Variants in ZNF106 observed in about 807,000 individuals in gnomAD.
ZNF106 encodes the protein zinc finger protein 106.
A neutral mutation model predicts 195.1 loss-of-function variants in ZNF106; 67 were observed. That is an observed-to-expected ratio of 0.34 (90% CI 0.28 to 0.42). The LOEUF is 0.42. ZNF106 is among the 10% of genes least tolerant of loss of function. ZNF106 has a pLI of 1.00. For synonymous variants in ZNF106, 784 were observed against 818.6 expected, an observed-to-expected ratio of 0.96 and a Z score of 0.72; for missense variants, 2,118 against 2,304.5, an observed-to-expected ratio of 0.92 and a Z score of 1.66.
chr15:42,457,269 A>T, intron 3 of ZNF106, 111 bp from the exon 4 acceptor site: 1 of 1,548,350 alleles, frequency 6.5e-7, no homozygotes, highest in Non-Finnish European at 8.7e-7. Flanking sequence ...GCACAGTGAA[A>T]AATTAGTGCT....
intron 1 of ZNF106, among the ~76,000 whole-genome samples, chr15:42,488,416 G>C (rs1198321439): frequency 6.6e-6 from 1 of 151,988 alleles, no homozygotes; most frequent in Non-Finnish European, 1.5e-5. Context: ...CTTCTTGATA[G>C]TTTCTTTCAG....
chr15:42,472,106 CATAA>C, intron 2 of ZNF106, 126 bp downstream of exon 2: 3 of 885,818 alleles, frequency 3.4e-6, no homozygotes, highest in Non-Finnish European at 4.7e-6. Context: ...AGAAAAGAAG[CATAA>C]ATAAGACATT....
chr15:42,467,852 G>C (rs1181754774), intron 2 of ZNF106, among the ~76,000 whole-genome samples: 1 of 151,974 alleles, frequency 6.6e-6, no homozygotes, highest in Non-Finnish European at 1.5e-5. Context: ...TTGCCCTCTC[G>C]GAGTGACAAA....
chr15:42,463,795 C>G (rs2056450111), intron 3 of ZNF106, among the ~76,000 whole-genome samples: 1 of 151,880 alleles, frequency 6.6e-6, no homozygotes, highest in Non-Finnish European at 1.5e-5. Context: ...TGAGTGAGAC[C>G]CTGTCTCAAA....
At chr15:42,438,738 G>C in intron 11 of ZNF106, 71 bp from the exon 12 acceptor site, 1 of 1,417,696 alleles carries the variant, frequency 7.1e-7, no homozygotes, top group Non-Finnish European at 9.8e-7. Context: ...AAAAATTTCT[G>C]ACTCAAAGGA....
intron 16 of ZNF106, chr15:42,424,609 A>G: frequency 2.2e-6 from 1 of 463,600 alleles, no homozygotes; most frequent in Non-Finnish European, 3.9e-6. Context: ...CCTCAGCCTC[A>G]TAAGTAGTAC....
chr15:42,439,562 A>C lies in ZNF106; in HGVS notation c.4015T>G (p.Phe1339Val), dbSNP rs201430693. The C allele has an allele frequency of 1.9e-6, 3 of 1,614,178 alleles. No homozygotes were observed. Among genetic ancestry groups the C allele is most frequent in the Non-Finnish European group, 2.5e-6 (3 of 1,180,030 alleles). ...TTCTCCAAAGGGGTTTCTGAAGCAA[A>C]AGACAATCTTAGAAAAGAACTGGTA... ...ACTSSFLRLS[F>V]ASETPLEKEP... The change falls in exon 11 of 22, where the codon TTT becomes GTT. Residue 1339 changes from phenylalanine (F) to valine (V), a missense_variant. Physicochemically the swap from Phe to Val is conservative, Grantham distance 50. Transcript: ENST00000564754.
chr15:42,437,500 T>A, intron 12 of ZNF106, 123 bp from the exon 13 acceptor site: 1 of 1,129,608 alleles, frequency 8.9e-7, no homozygotes, highest in Non-Finnish European at 1.2e-6. Context: ...CCTTAAATCT[T>A]AGTTCCCCTA....
At chr15:42,461,878 G>A (rs963656566) in intron 3 of ZNF106, among the ~76,000 whole-genome samples, 1 of 152,148 alleles carries the variant, frequency 6.6e-6, no homozygotes, top group African/African-American at 2.4e-5. Flanking sequence ...GGTACAAGCT[G>A]GTGAAGACCG....
At position 42,435,520 on chromosome 15, in the gene ZNF106, T is replaced by TA. The variant is rs1204751818; in HGVS notation, c.4747-3dup. 6.2e-7 allele frequency: 1 copy of TA among 1,614,080 alleles called. No individual in the cohort carries two copies. On this transcript the variant is annotated splice_polypyrimidine_tract_variant and splice_region_variant and intron_variant, in intron 13 of 21. Transcript: ENST00000564754. The stretch of plus-strand genomic sequence containing the variant: ...AAAGACACCAATACATTTCCGACTC[T>TA]AAAGTTTAAGCACAGACCAGATTAT...
chr15:42,474,464 T>C (rs1482623085), intron 1 of ZNF106, among the ~76,000 whole-genome samples: 4 of 152,100 alleles, frequency 2.6e-5, no homozygotes, highest in Non-Finnish European at 5.9e-5. Context: ...GCTGAGTAAA[T>C]AGCAGGGTTT....
Position 42,439,434 on chromosome 15 carries a change from C to G in ZNF106, c.4143G>C (p.Lys1381Asn), listed in dbSNP as rs1346912033. ...GSKKKKKLRK[K>N]KSLRAAHVPE... The stretch of plus-strand genomic sequence containing the variant: ...GAACATGGGCAGCCCGTAGACTTTT[C>G]TTCTTCCGGAGTTTCTTCTTTTTCT... The change falls in exon 11 of 22, where the codon AAG becomes AAC. Residue 1381 changes from lysine (K) to asparagine (N), a missense_variant. Lys to Asn is a moderately conservative substitution (Grantham distance 94, BLOSUM62 0). Coordinates refer to ENST00000564754, the MANE Select transcript of ZNF106 (RefSeq NM_001366845.3). The G allele has an allele frequency of 6.2e-7, 1 of 1,613,720 alleles. No individual in the cohort carries two copies.
Position 42,448,382 on chromosome 15 carries a change from G to A in ZNF106, c.2825C>T (p.Ala942Val), listed in dbSNP as rs772832036. Residue 942 changes from alanine to valine, a missense_variant, in exon 6 of 22, where the codon GCC (alanine) becomes GTC (valine). Physicochemically the swap from Ala to Val is moderately conservative, Grantham distance 64 (BLOSUM62 0). Transcript: ENST00000564754. The stretch of plus-strand genomic sequence containing the variant: ...AGCCCTTTCACCTGTTCGGAGGGAG[G>A]CAGCCCGAGGTGTCACTTCTTGTTT... ...HLKQEVTPRA[A>V]SLRTGERAEN... 6.8e-6 allele frequency: 11 copies of A among 1,614,130 alleles called. No individual in the cohort carries two copies. Among genetic ancestry groups the A allele is most frequent in the Non-Finnish European group, 9.3e-6 (11 of 1,180,040 alleles).
chr15:42,488,775 C>A (rs1358971277), intron 1 of ZNF106, among the ~76,000 whole-genome samples: 1 of 152,084 alleles, frequency 6.6e-6, no homozygotes, highest in African/African-American at 2.4e-5. Flanking sequence ...AAATATCTTC[C>A]TTTTAATCAA....
rs950494499 is a variant in ZNF106, at chr15:42,466,105, C to T, written c.64G>A (p.Glu22Lys). The T allele has an allele frequency of 4.6e-5, 70 of 1,531,074 alleles. No individual in the cohort carries two copies. Among genetic ancestry groups the T allele is most frequent in the Non-Finnish European group, 5.7e-5 (65 of 1,144,766 alleles). 94.8% of individuals were successfully genotyped at this position (1,531,074 alleles called of 1,614,324 possible). ...TGATGCAACATGCTCCGCATGTGTT[C>T]GTCCATCTCCTTCAAAATAAAAGAA... ...IVYSSKKEMD[E>K]HMRSMLHHRE... is the part of the protein sequence containing the mutation. The change falls in exon 3 of 22, where the codon GAA becomes AAA. Residue 22 changes from glutamate (E) to lysine (K), a missense_variant. Physicochemically the swap from Glu to Lys is moderately conservative, Grantham distance 56 (BLOSUM62 1). Coordinates refer to ENST00000564754, the MANE Select transcript of ZNF106 (RefSeq NM_001366845.3).
intron 14 of ZNF106, among the ~76,000 whole-genome samples, chr15:42,430,736 C>T (rs1203859747): frequency 1.3e-5 from 2 of 151,976 alleles, no homozygotes; most frequent in African/African-American, 4.8e-5. Flanking sequence ...ACCTGTTTGT[C>T]CTATCTTAAG....
chr15:42,463,740 C>T (rs1288990982), intron 3 of ZNF106, among the ~76,000 whole-genome samples: 1 of 152,116 alleles, frequency 6.6e-6, no homozygotes, highest in Non-Finnish European at 1.5e-5. Context: ...TTCGAGGTTG[C>T]AGTCAGCTGT....
Position 42,450,817 on chromosome 15 carries a change from T to A in ZNF106, c.1455A>T (p.Ser485=). Residue 485 remains serine (S), a synonymous_variant, in exon 5 of 22, where the codon TCA becomes TCT. Coordinates refer to ENST00000564754, the MANE Select transcript of ZNF106 (RefSeq NM_001366845.3). The part of the protein sequence containing the change: ...SPLLPCPATK[S]LSQKQDPKNI... Reference sequence around the variant, plus strand: ...TCTTTGGATCTTGCTTTTGAGACAATGATTTAGTGGCTGGACATGGAAGGA... The same window carrying A: ...TCTTTGGATCTTGCTTTTGAGACAAAGATTTAGTGGCTGGACATGGAAGGA... 1 of 1,614,186 alleles carries A rather than the reference T, an allele frequency of 6.2e-7. No homozygotes were observed. Among genetic ancestry groups the A allele is most frequent in the Non-Finnish European group, 8.5e-7 (1 of 1,180,042 alleles).
At chr15:42,444,371 C>T (rs1292289103) in intron 8 of ZNF106, 109 bp from the exon 9 acceptor site, 1 of 791,680 alleles carries the variant, frequency 1.3e-6, no homozygotes, top group Non-Finnish European at 2.0e-6. Flanking sequence ...GTCTTGACTG[C>T]TCTGTGACCC....
Sources: allele counts gnomAD v4.1 joint callset (sites outside exome capture counted in the v4.1 genomes callset), GRCh38; gene constraint gnomAD v4.1.1; transcripts MANE v1.5; gene names NCBI Gene and HGNC (gene_info 2026-07-23, HGNC 2026-07-21).